The following PARD6B variants were observed in gnomAD, a reference collection of about 807,000 sequenced individuals.
PARD6B encodes the protein partitioning defective 6 homolog beta.
Under a neutral mutation model 10.5 loss-of-function variants are expected in PARD6B, and 4 were observed. That is an observed-to-expected ratio of 0.38 (90% CI 0.19 to 0.87). PARD6B has a LOEUF of 0.87. Among genes scored for constraint, PARD6B ranks in the 40% least tolerant of loss-of-function variants. The pLI is 0.41. For missense variants in PARD6B, 396 were observed against 470.6 expected (o/e 0.84, Z 1.47); for synonymous variants, 169 against 170.4 (o/e 0.99, Z 0.07).
chr20:50,749,578 TC>T, intron 2 of PARD6B, 80 bp from the exon 3 acceptor site: 1 of 1,206,684 alleles, frequency 8.3e-7, no homozygotes, highest in South Asian at 1.6e-5. Context: ...TTTTGAGTTA[TC>T]CTTTCTGTAC....
chr20:50,753,571 C>T lies in PARD6B; in HGVS notation c.*3083C>T, dbSNP rs2087627317. ...TCTAATTAAATTTTACATGCTATAA[C>T]ATGATTTTTACATGAATGATACTTT... On this transcript the variant is annotated 3_prime_UTR_variant, in exon 3 of 3. Coordinates refer to ENST00000371610, the MANE Select transcript of PARD6B (RefSeq NM_032521.3). 1 of 859,520 alleles carries T rather than the reference C, an allele frequency of 1.2e-6. No individual in the cohort carries two copies. The highest frequency in any genetic ancestry group is 6.2e-5 in the Admixed American group (1 of 16,062). 53.2% of individuals were successfully genotyped at this position (859,520 alleles called of 1,614,324 possible).
Position 50,750,943 on chromosome 20 carries a change from A to ATTTTATTTTGATTTTT in PARD6B, c.*460_*475dup, listed in dbSNP as rs2087602523. The ATTTTATTTTGATTTTT allele has an allele frequency of 2.1e-6, 1 of 476,390 alleles. No individual in the cohort carries two copies. The highest frequency in any genetic ancestry group is 2.5e-6 in the Non-Finnish European group (1 of 400,472). 29.5% of individuals were successfully genotyped at this position (476,390 alleles called of 1,614,324 possible). Reference sequence around the variant, plus strand: ...CTCTTAAAGGTCTCATGTTCCCAATATTTTATTTTGATTTTTTTTTTTTTT... The same window carrying ATTTTATTTTGATTTTT: ...CTCTTAAAGGTCTCATGTTCCCAATATTTTATTTTGATTTTTTTTTATTTTGATTTTTTTTTTTTTT... On this transcript the variant is annotated 3_prime_UTR_variant, in exon 3 of 3. Transcript: ENST00000371610.
intron 2 of PARD6B, among the ~76,000 whole-genome samples, chr20:50,742,041 C>T (rs1470760164): frequency 6.6e-6 from 1 of 152,052 alleles, no homozygotes; most frequent in Non-Finnish European, 1.5e-5. Flanking sequence ...AGAAGTTACA[C>T]TTAATATGTA....
Position 50,739,167 on chromosome 20 carries a change from C to G in PARD6B, c.289+1088C>G, listed in dbSNP as rs2087515852. Among the ~76,000 whole-genome samples the G allele has an allele frequency of 4.6e-5, 7 of 152,082 alleles. No individual in the cohort carries two copies. In the South Asian group the frequency reaches 1.5e-3, roughly 32 times the overall value. ...AACCCAGAAAGTAGCTTGAGAGCGG[C>G]CAGGCTTGGTGGCTCACGTGTGTAA... On this transcript the variant is annotated intron_variant, in intron 2 of 2. Transcript: ENST00000371610.
intron 2 of PARD6B, among the ~76,000 whole-genome samples, chr20:50,741,974 C>T (rs554484073): frequency 6.6e-6 from 1 of 152,256 alleles, no homozygotes; most frequent in African/African-American, 2.4e-5. Flanking sequence ...CATTTTACTG[C>T]TTGATTACAG....
chr20:50,752,590 A>T lies in PARD6B; in HGVS notation c.*2102A>T, dbSNP rs2087619741. On this transcript the variant is annotated 3_prime_UTR_variant, in exon 3 of 3. Coordinates refer to ENST00000371610, the MANE Select transcript of PARD6B (RefSeq NM_032521.3). ...TATATAGAAACTAAAAATACTATGA[A>T]GTACATAAGTTCCCTATGGCTTATG... The T allele has an allele frequency of 2.0e-6, 2 of 983,038 alleles. No individual in the cohort carries two copies. The highest frequency in any genetic ancestry group is 1.2e-4 in the Admixed American group (2 of 16,290). 60.9% of individuals were successfully genotyped at this position (983,038 alleles called of 1,614,324 possible).
At chr20:50,747,357 G>A (rs987476972) in intron 2 of PARD6B, among the ~76,000 whole-genome samples, 3 of 152,112 alleles carry the variant, frequency 2.0e-5, no homozygotes, top group African/African-American at 4.8e-5. Flanking sequence ...CTATACAAAC[G>A]CAAGATGGTG....
In PARD6B at chr20:50,750,897, G is replaced by A. The variant is rs957266089; in HGVS notation, c.*409G>A. 26 of 981,262 alleles carry A rather than the reference G, an allele frequency of 2.6e-5. No homozygotes were observed. The African/African-American group carries it at 4.7e-4, about 18-fold the overall frequency. The allele number at this position is 981,262 out of a possible 1,614,324, so 60.8% of individuals were successfully genotyped here. A position where few individuals can be genotyped will look rare whatever the true frequency, so the allele number is the denominator to read the frequency against. ...CTAATGTGAAGTCTGATTCTCTCTT[G>A]TGGTACATTGGGGACCTCAGCTCTT... On this transcript the variant is annotated 3_prime_UTR_variant, in exon 3 of 3. Transcript: ENST00000371610.
At chr20:50,732,566 A>G (rs2087477586) in intron 1 of PARD6B, among the ~76,000 whole-genome samples, 1 of 152,190 alleles carries the variant, frequency 6.6e-6, no homozygotes, top group Non-Finnish European at 1.5e-5. Context: ...TGAGCAGGGT[A>G]GTCTGTAGGG....
intron 2 of PARD6B, among the ~76,000 whole-genome samples, chr20:50,742,591 C>T (rs2087536936): frequency 6.6e-6 from 1 of 152,064 alleles, no homozygotes; most frequent in Middle Eastern, 3.4e-3. Context: ...GTCTCAAACT[C>T]CTGACCTCAG....
At position 50,751,986 on chromosome 20, in the gene PARD6B, G is replaced by A. The variant is rs990139079; in HGVS notation, c.*1498G>A. ...AAAGTGCTGGATTGCAGGCATGAGC[G>A]CCTAGCCAGGAAGCTATCTTTTCTT... On this transcript the variant is annotated 3_prime_UTR_variant, in exon 3 of 3. Transcript: ENST00000371610. 2.0e-5 allele frequency: 20 copies of A among 985,220 alleles called. No homozygotes were observed. Among genetic ancestry groups the A allele is most frequent in the South Asian group, 1.4e-4 (3 of 21,290 alleles). The allele number at this position is 985,220 out of a possible 1,614,324, so 61.0% of individuals were successfully genotyped here. A position where few individuals can be genotyped will look rare whatever the true frequency, so the allele number is the denominator to read the frequency against.
intron 2 of PARD6B, 68 bp from the exon 3 acceptor site, chr20:50,749,591 G>C: frequency 1.5e-6 from 2 of 1,311,554 alleles, no homozygotes; most frequent in South Asian, 3.0e-5. Flanking sequence ...TTTCTGTACA[G>C]ATTCAGCTGC....
Position 50,753,695 on chromosome 20 carries a change from G to A in PARD6B, c.*3207G>A, listed in dbSNP as rs956827118. The A allele has an allele frequency of 1.4e-6, 1 of 698,672 alleles. No individual in the cohort carries two copies. The highest frequency in any genetic ancestry group is 1.3e-4 in the East Asian group (1 of 7,534). The allele number at this position is 698,672 out of a possible 1,614,324, so 43.3% of individuals were successfully genotyped here. On this transcript the variant is annotated 3_prime_UTR_variant, in exon 3 of 3. Transcript: ENST00000371610. ...GATTTTAAAAATCAAATTAGCTTTAGTTGTATATTATTTTTTACAAATAAA... is the reference window on the plus strand; with the variant it reads ...GATTTTAAAAATCAAATTAGCTTTAATTGTATATTATTTTTTACAAATAAA...
Position 50,750,101 on chromosome 20 carries a change from A to G in PARD6B, c.732A>G (p.Ile244Met). ...MMIANSRNLI[I>M]TVRPANQRNN... The stretch of plus-strand genomic sequence containing the variant: ...TTGCAAATAGCCGTAACCTCATCAT[A>G]ACAGTGAGACCGGCAAACCAGAGGA... Residue 244 changes from isoleucine (I) to methionine (M), a missense_variant, in exon 3 of 3, where the codon ATA becomes ATG. Coordinates refer to ENST00000371610, the MANE Select transcript of PARD6B (RefSeq NM_032521.3). The G allele has an allele frequency of 6.2e-7, 1 of 1,614,250 alleles. No homozygotes were observed. Among genetic ancestry groups the G allele is most frequent in the Non-Finnish European group, 8.5e-7 (1 of 1,180,050 alleles).
At chr20:50,738,969 T>G (rs58178180) in intron 2 of PARD6B, among the ~76,000 whole-genome samples, 6,693 of 151,076 alleles carry the variant, frequency 0.044, 502 homozygotes, top group African/African-American at 0.15. Flanking sequence ...TTTTTTAATC[T>G]CGTAGCCTTT....
Position 50,751,646 on chromosome 20 carries a change from G to C in PARD6B, c.*1158G>C, listed in dbSNP as rs950499746. ...CAGGCGTGAGCCACCGCGCCCAGTT[G>C]TGCATTTCTGGTTTCTAAGAATCAA... On this transcript the variant is annotated 3_prime_UTR_variant, in exon 3 of 3. Transcript: ENST00000371610. 44 of 983,922 alleles carry C rather than the reference G, an allele frequency of 4.5e-5. No individual in the cohort carries two copies. Among genetic ancestry groups the C allele is most frequent in the Non-Finnish European group, 5.2e-5 (43 of 829,788 alleles). The allele number at this position is 983,922 out of a possible 1,614,324, so 60.9% of individuals were successfully genotyped here. A position where few individuals can be genotyped will look rare whatever the true frequency, so the allele number is the denominator to read the frequency against.
chr20:50,747,419 G>T (rs200833562), intron 2 of PARD6B, among the ~76,000 whole-genome samples: 1 of 104,540 alleles, frequency 9.6e-6, no homozygotes, highest in East Asian at 2.9e-4. Context: ...CAACTATTTT[G>T]TGGAGGAGGA....
At chr20:50,738,219 TA>T (rs1423962675) in intron 2 of PARD6B, 140 bp downstream of exon 2, 6 of 544,548 alleles carry the variant, frequency 1.1e-5, no homozygotes, top group Non-Finnish European at 1.9e-5. Flanking sequence ...ACATGTGGGT[TA>T]AAACATTTGT....
chr20:50,741,511 C>T (rs1213562978), intron 2 of PARD6B, among the ~76,000 whole-genome samples: 1 of 152,094 alleles, frequency 6.6e-6, no homozygotes, highest in African/African-American at 2.4e-5. Flanking sequence ...CAGGTCGCAG[C>T]ATCTAAATCT....
Sources: allele counts gnomAD v4.1 joint callset (sites outside exome capture counted in the v4.1 genomes callset), GRCh38; gene constraint gnomAD v4.1.1; transcripts MANE v1.5; gene names NCBI Gene and HGNC (gene_info 2026-07-23, HGNC 2026-07-21).